SLC24A2: variants seen among roughly 807,000 people sequenced by gnomAD.
SLC24A2 encodes sodium/potassium/calcium exchanger 2.
Under a neutral mutation model 62.0 loss-of-function variants are expected in SLC24A2, and 36 were observed. That is an observed-to-expected ratio of 0.58 (90% CI 0.44 to 0.77). The LOEUF (loss-of-function observed/expected upper bound fraction) is 0.77, where lower values mean the gene tolerates loss of function less well. Ranked by LOEUF, SLC24A2 falls within the 30% of genes least tolerant of loss-of-function variation. The pLI is 0.00. For synonymous variants in SLC24A2, 358 were observed against 294.0 expected, an observed-to-expected ratio of 1.22 and a Z score of -2.23; for missense variants, 846 against 817.9, an observed-to-expected ratio of 1.03 and a Z score of -0.42.
chr9:20,009,503 A>G, the SLC24A2 span, among the ~76,000 whole-genome samples: 1 of 152,156 alleles, frequency 6.6e-6, no homozygotes, highest in African/African-American at 2.4e-5. Context: ...CATCAGAGAA[A>G]CTACCCAATA....
chr9:19,711,693 C>T (rs1179697086), intron 2 of SLC24A2, among the ~76,000 whole-genome samples: 5 of 152,192 alleles, frequency 3.3e-5, no homozygotes, highest in African/African-American at 9.7e-5. Context: ...AATCCATGTC[C>T]GCAATTCTGA....
the SLC24A2 span, among the ~76,000 whole-genome samples, chr9:20,035,017 A>C: frequency 2.6e-5 from 4 of 152,192 alleles, no homozygotes; most frequent in Non-Finnish European, 4.4e-5. Context: ...GTGCTGTATA[A>C]TTAAATGAAA....
intron 2 of SLC24A2, among the ~76,000 whole-genome samples, chr9:19,717,166 C>T (rs1247247030): frequency 6.6e-6 from 1 of 152,208 alleles, no homozygotes; most frequent in Non-Finnish European, 1.5e-5. Flanking sequence ...TAGAAGGTAA[C>T]AGTTAATGAC....
At chr9:19,977,113 TTGTGTGTGTGTGTG>T in the SLC24A2 span, among the ~76,000 whole-genome samples, 2 of 145,218 alleles carry the variant, frequency 1.4e-5, no homozygotes, top group Admixed American at 1.4e-4. Context: ...ATTTCTATAT[TTGTGTGTGTGTGTG>T]TGTGTGTGTG....
chr9:20,076,880 T>TATATATATATATATATATACAC, the SLC24A2 span, among the ~76,000 whole-genome samples: 1 of 120,554 alleles, frequency 8.3e-6, no homozygotes, highest in African/African-American at 3.2e-5. Flanking sequence ...TATATATATA[T>TATATATATATATATATATACAC]ACATATCATA....
chr9:19,850,964 T>C, the SLC24A2 span, among the ~76,000 whole-genome samples: 1,685 of 24,794 alleles, frequency 0.068, 56 homozygotes, highest in African/African-American at 0.084. Flanking sequence ...TATATATATA[T>C]ATGTATATAT....
the SLC24A2 span, among the ~76,000 whole-genome samples, chr9:19,907,230 T>C: frequency 6.6e-6 from 1 of 152,302 alleles, no homozygotes; most frequent in Non-Finnish European, 1.5e-5. Flanking sequence ...AAAAACCATA[T>C]GATTATCTCA....
the SLC24A2 span, among the ~76,000 whole-genome samples, chr9:19,921,735 A>T: frequency 6.6e-6 from 1 of 152,048 alleles, no homozygotes; most frequent in Non-Finnish European, 1.5e-5. Flanking sequence ...AGAGAACACA[A>T]TGTCTAACCA....
chr9:20,274,562 T>C, the SLC24A2 span, among the ~76,000 whole-genome samples: 2 of 152,134 alleles, frequency 1.3e-5, no homozygotes, highest in Non-Finnish European at 2.9e-5. Flanking sequence ...GATACTACAC[T>C]GTGGAGTCAG....
At chr9:20,159,400 A>T in the SLC24A2 span, among the ~76,000 whole-genome samples, 2 of 133,284 alleles carry the variant, frequency 1.5e-5, no homozygotes, top group African/African-American at 8.1e-5. Flanking sequence ...AACATCTAAG[A>T]TTTTTTTACC....
chr9:19,987,763 T>G, the SLC24A2 span, among the ~76,000 whole-genome samples: 1 of 152,212 alleles, frequency 6.6e-6, no homozygotes, highest in East Asian at 1.9e-4. Context: ...CTGTTTCTTT[T>G]GGCCACTTTT....
upstream of SLC24A2, among the ~76,000 whole-genome samples, chr9:19,793,693 G>A (rs1406874758): frequency 6.6e-6 from 1 of 152,108 alleles, no homozygotes; most frequent in Non-Finnish European, 1.5e-5. Flanking sequence ...ATAACAAACA[G>A]CTCCATTTGA....
chr9:19,937,686 A>G, the SLC24A2 span, among the ~76,000 whole-genome samples: 2 of 152,228 alleles, frequency 1.3e-5, no homozygotes, highest in Non-Finnish European at 2.9e-5. Context: ...TGAGAGACAG[A>G]TATTTTGTTT....
chr9:19,934,590 C>CTCT, the SLC24A2 span, among the ~76,000 whole-genome samples: 1 of 152,218 alleles, frequency 6.6e-6, no homozygotes, highest in Non-Finnish European at 1.5e-5. This position sits in a 1 kb window ranked among gnomAD's most constrained non-coding sequence, Gnocchi z 4.1. Flanking sequence ...GCAGCGTGCA[C>CTCT]AGCAGAGGCC....
intron 2 of SLC24A2, among the ~76,000 whole-genome samples, chr9:19,682,687 T>A (rs958843960): frequency 2.0e-5 from 3 of 152,178 alleles, no homozygotes; most frequent in Non-Finnish European, 2.9e-5. Flanking sequence ...ACAAACGTAC[T>A]GTAAGAAATA....
At chr9:20,047,638 T>C in the SLC24A2 span, among the ~76,000 whole-genome samples, 5 of 141,654 alleles carry the variant, frequency 3.5e-5, no homozygotes, top group Admixed American at 6.8e-5. Context: ...GACAGCCCAC[T>C]ACCTCATGGA....
chr9:19,711,525 TG>T (rs1820715303), intron 2 of SLC24A2, among the ~76,000 whole-genome samples: 1 of 152,194 alleles, frequency 6.6e-6, no homozygotes, highest in Non-Finnish European at 1.5e-5. Context: ...CTCTACTGAT[TG>T]AGGAGCCTAA....
At chr9:19,636,320 T>C (rs1030510019) in intron 2 of SLC24A2, among the ~76,000 whole-genome samples, 2 of 21,352 alleles carry the variant, frequency 9.4e-5, no homozygotes, top group Non-Finnish European at 1.1e-4. Context: ...TTTTCTTTTC[T>C]TTCTTTCTTT....
chr9:19,855,658 G>T, the SLC24A2 span, among the ~76,000 whole-genome samples: 1 of 152,182 alleles, frequency 6.6e-6, no homozygotes, highest in African/African-American at 2.4e-5. Flanking sequence ...TGAGAGGTCT[G>T]CTGTTAGTCT....
Sources: allele counts gnomAD v4.1 joint callset (sites outside exome capture counted in the v4.1 genomes callset), GRCh38; gene constraint gnomAD v4.1.1; non-coding constraint Gnocchi (gnomAD v3.1); transcripts MANE v1.5; gene names NCBI Gene and HGNC (gene_info 2026-07-23, HGNC 2026-07-21).